The following DDX46 variants were observed in gnomAD, a reference collection of about 807,000 sequenced individuals.
The protein encoded by DDX46 is DEAD-box helicase 46, also known as probable ATP-dependent RNA helicase DDX46.
A neutral mutation model predicts 134.9 loss-of-function variants in DDX46; 30 were observed. The observed-to-expected ratio is 0.22, with a 90% CI of 0.17 to 0.30. DDX46 has a LOEUF of 0.30. Among genes scored for constraint, DDX46 ranks in the 10% least tolerant of loss-of-function variants. The pLI is 1.00. For missense variants in DDX46, 622 were observed against 1,248.7 expected (o/e 0.50, Z 7.56); for synonymous variants, 415 against 404.1 (o/e 1.03, Z -0.32).
chr5:134,804,881 A>G, intron 15 of DDX46: 1 of 375,582 alleles, frequency 2.7e-6, no homozygotes. Context: ...CATTTAACAC[A>G]CATGGAACCA....
chr5:134,768,260 C>G (rs1753644340), intron 3 of DDX46, among the ~76,000 whole-genome samples: 1 of 151,730 alleles, frequency 6.6e-6, no homozygotes, highest in African/African-American at 2.4e-5. Flanking sequence ...CAGGTGTGTG[C>G]CAACATGCCC....
intron 15 of DDX46, among the ~76,000 whole-genome samples, chr5:134,800,197 C>T (rs775213482): frequency 6.6e-6 from 1 of 152,184 alleles, no homozygotes; most frequent in Non-Finnish European, 1.5e-5. Flanking sequence ...ATCCACCTGC[C>T]TCGGCCTTCC....
intron 15 of DDX46, among the ~76,000 whole-genome samples, chr5:134,800,936 A>G (rs377166190): frequency 1.3e-5 from 2 of 152,026 alleles, no homozygotes; most frequent in Non-Finnish European, 2.9e-5. Flanking sequence ...TCAGCCTCCC[A>G]AAGTGCTGGG....
chr5:134,794,042 G>A (rs562542599), intron 13 of DDX46, among the ~76,000 whole-genome samples: 2 of 152,296 alleles, frequency 1.3e-5, no homozygotes, highest in African/African-American at 4.8e-5. Context: ...AGTCACTTCA[G>A]CTTGAGAGGT....
chr5:134,819,387 C>A (rs751804633), intron 21 of DDX46, among the ~76,000 whole-genome samples: 1 of 152,022 alleles, frequency 6.6e-6, no homozygotes, highest in Non-Finnish European at 1.5e-5. Flanking sequence ...TGAAATTATC[C>A]CCATGAAAGT....
chr5:134,800,526 A>G (rs894395506), intron 15 of DDX46, among the ~76,000 whole-genome samples: 2 of 152,166 alleles, frequency 1.3e-5, no homozygotes, highest in Non-Finnish European at 2.9e-5. Flanking sequence ...CTTTAGCCAC[A>G]TCCCGCAGAA....
At chr5:134,797,191 A>AAAAAAAC (rs1554151098) in intron 15 of DDX46, 3 of 290,296 alleles carry the variant, frequency 1.0e-5, no homozygotes, top group Admixed American at 4.5e-5. Flanking sequence ...AAAAAAAAAA[A>AAAAAAAC]AAAAAACACA....
intron 18 of DDX46, among the ~76,000 whole-genome samples, chr5:134,815,743 T>C: frequency 7.1e-6 from 1 of 140,896 alleles, no homozygotes; most frequent in African/African-American, 2.7e-5. Context: ...GAAATGCACC[T>C]AGCAGTAGGG....
chr5:134,797,188 A>AAAAAC lies in DDX46; in HGVS notation c.1954+1042_1954+1043insCAAAA, dbSNP rs60147299. 3.3e-3 allele frequency: 936 copies of AAAAAC among 287,030 alleles called. 27 individuals carry two copies. Among genetic ancestry groups the AAAAAC allele is most frequent in the African/African-American group, 0.021 (829 of 40,390 alleles). 17.8% of individuals were successfully genotyped at this position (287,030 alleles called of 1,614,324 possible). On this transcript the variant is annotated intron_variant, in intron 15 of 22. Transcript: ENST00000452510. ...GTCTCAAAAAAAAAAAAAAAAAAAA[A>AAAAAC]AAAAAAAAACACAAAACACATGGAA...
chr5:134,818,340 C>T (rs570968011), intron 20 of DDX46, among the ~76,000 whole-genome samples: 1 of 151,656 alleles, frequency 6.6e-6, no homozygotes, highest in Admixed American at 6.6e-5. Flanking sequence ...GTGATCCGCC[C>T]ACCTTAGCCT....
intron 13 of DDX46, among the ~76,000 whole-genome samples, chr5:134,793,103 G>C (rs1754552977): frequency 6.6e-6 from 1 of 152,154 alleles, no homozygotes; most frequent in South Asian, 2.1e-4. Context: ...GCTGTGGTGA[G>C]CCAACATAAT....
In DDX46 at chr5:134,811,322, G is replaced by C. The variant is rs1276201686; in HGVS notation, c.2250G>C (p.Glu750Asp). 1.9e-6 allele frequency: 3 copies of C among 1,613,944 alleles called. No homozygotes were observed. The African/African-American group carries it at 4.0e-5, about 22-fold the overall frequency. The change falls in exon 17 of 23, where the codon GAG becomes GAC. Residue 750 changes from glutamate (E) to aspartate (D), a missense_variant. Glu to Asp is a conservative substitution (Grantham distance 45). Coordinates refer to ENST00000452510, the MANE Select transcript of DDX46 (RefSeq NM_001300860.2). ...LSGTAVPPDL[E>D]KLWSDFKDQQ... ...GGACTGCAGTACCTCCTGATTTAGA[G>C]AAACTGTGGAGTGATTTCAAAGATC...
At chr5:134,779,591 T>C (rs989576301) in intron 6 of DDX46, among the ~76,000 whole-genome samples, 1 of 152,192 alleles carries the variant, frequency 6.6e-6, no homozygotes, top group Admixed American at 6.5e-5. Flanking sequence ...CTCATACGCC[T>C]GGGCTGAAGC....
intron 19 of DDX46, chr5:134,816,883 G>A (rs1397721640): frequency 3.2e-6 from 1 of 311,314 alleles, no homozygotes. Flanking sequence ...TCTTAAAGAT[G>A]TATTAATAAT....
rs548943347 is a variant in DDX46 at position 134,767,018 on chromosome 5, G to T, written c.308G>T (p.Arg103Leu). 1.9e-6 allele frequency: 3 copies of T among 1,613,990 alleles called. No individual in the cohort carries two copies. Among genetic ancestry groups the T allele is most frequent in the East Asian group, 4.5e-5 (2 of 44,866 alleles). ...SRSRSRGRRS[R>L]SSSPGNKSKK... ...AGTAGAAGCCGGGGCCGGCGATCCC[G>T]ATCCTCCAGTCCTGGAAATAAAAGC... The change falls in exon 3 of 23, where the codon CGA (arginine) becomes CTA (leucine). Residue 103 changes from arginine (R) to leucine (L), a missense_variant. Around this residue, in one of 8 missense-constraint regions of DDX46, gnomAD observed 244 missense variants for 349.3 expected, o/e 0.70. Transcript: ENST00000452510.
chr5:134,825,291 T>C (rs1263705401), intron 21 of DDX46, among the ~76,000 whole-genome samples: 1 of 152,222 alleles, frequency 6.6e-6, no homozygotes, highest in Non-Finnish European at 1.5e-5. Context: ...ATTCTTCTTT[T>C]TCTCTTCCCT....
chr5:134,808,056 A>T, intron 16 of DDX46, 115 bp downstream of exon 16: 2 of 971,408 alleles, frequency 2.1e-6, no homozygotes, highest in Non-Finnish European at 1.5e-6. Flanking sequence ...TCTTTAATCC[A>T]CATAATGTGA....
intron 15 of DDX46, among the ~76,000 whole-genome samples, chr5:134,806,909 A>G (rs909691175): frequency 3.9e-5 from 6 of 152,080 alleles, no homozygotes; most frequent in South Asian, 2.1e-4. Context: ...ACCTCTTTGG[A>G]TCATTTATTT....
chr5:134,782,795 T>A, intron 8 of DDX46, 150 bp from the exon 9 acceptor site: 1 of 905,038 alleles, frequency 1.1e-6, no homozygotes, highest in South Asian at 2.1e-5. Flanking sequence ...CCTGCGTCTG[T>A]CTCCCAAAGT....
Sources: gnomAD v4.1 joint callset for allele counts (sites outside exome capture counted in the v4.1 genomes callset) on GRCh38, gnomAD v4.1.1 for gene constraint, gnomAD v4.1.1 regional missense constraint, MANE v1.5 for transcripts, NCBI Gene and HGNC (gene_info 2026-07-23, HGNC 2026-07-21) for gene names.